Variants in PACRG observed in about 807,000 individuals in gnomAD.
PACRG encodes the protein parkin coregulated.
A neutral mutation model predicts 29.7 loss-of-function variants in PACRG; 29 were observed. The ratio of observed to expected loss-of-function variants is 0.98; its 90% CI spans 0.73 to 1.33. PACRG has a LOEUF of 1.33. Ranked by LOEUF, PACRG falls within the 40% of genes most tolerant of loss-of-function variation. PACRG has a pLI of 0.00. For synonymous variants in PACRG, 116 were observed against 118.7 expected, an observed-to-expected ratio of 0.98 and a Z score of 0.15; for missense variants, 279 against 316.2, an observed-to-expected ratio of 0.88 and a Z score of 0.89.
At chr6:163,078,765 C>G (rs958661815) in intron 3 of PACRG, among the ~76,000 whole-genome samples, 1 of 152,134 alleles carries the variant, frequency 6.6e-6, no homozygotes, top group Non-Finnish European at 1.5e-5. Flanking sequence ...GCAGTGCCTC[C>G]CCTTGCTCTT....
intron 1 of PACRG, among the ~76,000 whole-genome samples, chr6:162,760,987 G>C (rs1782311446): frequency 6.6e-6 from 1 of 152,190 alleles, no homozygotes; most frequent in Non-Finnish European, 1.5e-5. Context: ...AGCACTTACT[G>C]ATGGCTTGGC....
chr6:163,177,877 C>A (rs1585300631), intron 4 of PACRG, among the ~76,000 whole-genome samples: 1 of 152,032 alleles, frequency 6.6e-6, no homozygotes, highest in East Asian at 1.9e-4. Flanking sequence ...CCATGCACCC[C>A]CAGGTGGGAA....
chr6:163,138,538 T>G (rs1372833216), intron 4 of PACRG, among the ~76,000 whole-genome samples: 1 of 152,154 alleles, frequency 6.6e-6, no homozygotes, highest in African/African-American at 2.4e-5. Flanking sequence ...TAGATTCTCA[T>G]AAGGAGCAAG....
chr6:162,935,882 T>G (rs902784009), intron 2 of PACRG, among the ~76,000 whole-genome samples: 8 of 152,182 alleles, frequency 5.3e-5, no homozygotes, highest in Non-Finnish European at 1.0e-4. Flanking sequence ...GTTCAAAGAC[T>G]ACTGGGAGCA....
At chr6:162,888,009 G>A (rs1794479118) in intron 2 of PACRG, among the ~76,000 whole-genome samples, 1 of 152,160 alleles carries the variant, frequency 6.6e-6, no homozygotes, top group Non-Finnish European at 1.5e-5. Context: ...TGTGGTGAGG[G>A]CTACTCTCCG....
chr6:163,140,697 A>G (rs1337011269), intron 4 of PACRG, among the ~76,000 whole-genome samples: 1 of 152,336 alleles, frequency 6.6e-6, no homozygotes, highest in East Asian at 1.9e-4. Flanking sequence ...AATTTAGAAC[A>G]CATGTTCATT....
At chr6:163,278,339 T>TTA (rs1430600428) in intron 4 of PACRG, among the ~76,000 whole-genome samples, 1 of 152,184 alleles carries the variant, frequency 6.6e-6, no homozygotes, top group Non-Finnish European at 1.5e-5. Context: ...TTAGTTTAAT[T>TTA]AAGTCCCATC....
intron 2 of PACRG, chr6:163,046,458 T>A (rs1388823550): frequency 6.6e-6 from 1 of 151,812 alleles, no homozygotes; most frequent in Non-Finnish European, 1.5e-5. Context: ...TGGTATCATT[T>A]CATCCTTATA....
chr6:162,778,597 T>G (rs1467832355), intron 1 of PACRG, among the ~76,000 whole-genome samples: 1 of 152,228 alleles, frequency 6.6e-6, no homozygotes, highest in Non-Finnish European at 1.5e-5. Flanking sequence ...AAATACCTTG[T>G]TGAAGATGAA....
chr6:163,158,693 G>C (rs1479132920), intron 4 of PACRG, among the ~76,000 whole-genome samples: 1 of 152,150 alleles, frequency 6.6e-6, no homozygotes, highest in Non-Finnish European at 1.5e-5. Flanking sequence ...GTGTTAAGAT[G>C]ATATAAATAT....
chr6:162,928,387 G>C (rs545504831), intron 2 of PACRG, among the ~76,000 whole-genome samples: 1 of 151,850 alleles, frequency 6.6e-6, no homozygotes, highest in East Asian at 1.9e-4. Context: ...TGATTTAAAT[G>C]TATGTGGGTC....
chr6:162,815,290 A>G (rs922892796), intron 2 of PACRG, among the ~76,000 whole-genome samples: 3 of 152,038 alleles, frequency 2.0e-5, no homozygotes, highest in African/African-American at 7.2e-5. Flanking sequence ...AAATAAATTT[A>G]TGTTAAAAAT....
chr6:162,766,403 A>G (rs901413150), intron 1 of PACRG, among the ~76,000 whole-genome samples: 1 of 152,058 alleles, frequency 6.6e-6, no homozygotes, highest in Non-Finnish European at 1.5e-5. Context: ...TGTTTATTTT[A>G]AAAATGGAAT....
intron 2 of PACRG, among the ~76,000 whole-genome samples, chr6:162,984,711 G>A (rs1464590762): frequency 6.6e-6 from 1 of 151,956 alleles, no homozygotes; most frequent in Non-Finnish European, 1.5e-5. Context: ...TCTTGCAGGA[G>A]TGAGGTGGTA....
intron 4 of PACRG, among the ~76,000 whole-genome samples, chr6:163,140,507 G>C (rs558623448): frequency 1.3e-5 from 2 of 152,168 alleles, no homozygotes; most frequent in Admixed American, 1.3e-4. Context: ...TGGACTGGAG[G>C]CTCTAGGAGT....
intron 4 of PACRG, among the ~76,000 whole-genome samples, chr6:163,271,139 C>A (rs897482150): frequency 1.3e-5 from 2 of 152,108 alleles, no homozygotes; most frequent in African/African-American, 4.8e-5. Flanking sequence ...TGTTCTAGGG[C>A]AGGAAGCTTC....
At chr6:163,032,635 A>G (rs1807778692) in intron 2 of PACRG, among the ~76,000 whole-genome samples, 1 of 152,228 alleles carries the variant, frequency 6.6e-6, no homozygotes, top group Admixed American at 6.5e-5. Context: ...TAGAAGACAT[A>G]CCAATAACAT....
intron 4 of PACRG, among the ~76,000 whole-genome samples, chr6:163,290,530 C>T (rs1784565080): frequency 6.6e-6 from 1 of 152,180 alleles, no homozygotes. Flanking sequence ...CTGCCCCCAC[C>T]CCTGGACCTG....
At chr6:163,150,329 C>T (rs1363446504) in intron 4 of PACRG, among the ~76,000 whole-genome samples, 2 of 152,256 alleles carry the variant, frequency 1.3e-5, no homozygotes, top group East Asian at 1.9e-4. Context: ...TAGTGCTGTC[C>T]CACTTGTCAG....
Sources: allele counts gnomAD v4.1 joint callset (sites outside exome capture counted in the v4.1 genomes callset), GRCh38; gene constraint gnomAD v4.1.1; transcripts MANE v1.5; gene names NCBI Gene and HGNC (gene_info 2026-07-23, HGNC 2026-07-21).